Variants in NEK11 observed in about 807,000 individuals in gnomAD.
NEK11 encodes the protein NIMA related kinase 11.
A neutral mutation model predicts 80.7 loss-of-function variants in NEK11; 72 were observed. The observed-to-expected ratio is 0.89, with a 90% CI of 0.74 to 1.08. The LOEUF (loss-of-function observed/expected upper bound fraction) is 1.08, where lower values mean the gene tolerates loss of function less well. Among genes scored for constraint, NEK11 ranks in the 50% least tolerant of loss-of-function variants. NEK11 has a pLI of 0.00. For missense variants in NEK11, 764 were observed against 763.6 expected (o/e 1.00, Z -0.01); for synonymous variants, 251 against 260.7 (o/e 0.96, Z 0.36).
chr3:131,345,581 G>A (rs1295654538), intron 17 of NEK11, among the ~76,000 whole-genome samples: 2 of 152,122 alleles, frequency 1.3e-5, no homozygotes, highest in Non-Finnish European at 2.9e-5. Context: ...ATATACTGCT[G>A]GGGGACAGTA....
chr3:131,262,822 A>G (rs1166353845), intron 16 of NEK11, among the ~76,000 whole-genome samples: 1 of 150,438 alleles, frequency 6.6e-6, no homozygotes, highest in African/African-American at 2.4e-5. Flanking sequence ...TTGTCCCCCA[A>G]CCCCCGACAG....
chr3:131,241,318 A>G (rs2095515589), intron 15 of NEK11, among the ~76,000 whole-genome samples: 1 of 152,174 alleles, frequency 6.6e-6, no homozygotes, highest in African/African-American at 2.4e-5. Context: ...AAAGATAGTC[A>G]TTGCAGTATT....
intron 14 of NEK11, among the ~76,000 whole-genome samples, chr3:131,208,002 G>A (rs889226055): frequency 3.3e-5 from 5 of 152,148 alleles, no homozygotes; most frequent in African/African-American, 4.8e-5. Flanking sequence ...GGCTTTTATT[G>A]CCATTGCTTT....
chr3:131,239,346 G>A (rs541370384), intron 15 of NEK11, among the ~76,000 whole-genome samples: 187 of 152,092 alleles, frequency 1.2e-3, no homozygotes, highest in Non-Finnish European at 2.5e-3. Context: ...TCCTAGCTGG[G>A]GCTGTGATAG....
chr3:131,336,261 C>CA (rs745708562), intron 17 of NEK11, among the ~76,000 whole-genome samples: 23 of 152,066 alleles, frequency 1.5e-4, no homozygotes, highest in African/African-American at 5.3e-4. Flanking sequence ...GTACTGGTAC[C>CA]AAACAGAGAT....
At chr3:131,051,711 G>T (rs1306457891) in intron 3 of NEK11, among the ~76,000 whole-genome samples, 2 of 151,866 alleles carry the variant, frequency 1.3e-5, no homozygotes, top group Admixed American at 1.3e-4. Flanking sequence ...TTGATACAGG[G>T]TTTCAATGTT....
rs566114535 is a variant in NEK11 at position 131,189,268 on chromosome 3, A to G, written c.1399+18381A>G. Among the ~76,000 whole-genome samples the G allele has an allele frequency of 3.8e-4, 58 of 152,298 alleles. 1 individual carries two copies. The South Asian group carries it at 9.1e-3, about 24-fold the overall frequency. ...TAAGTCACCAAATTTGTGGGACTTC[A>G]TTACAGCAGGCCTAGGAAACTAAAA... On this transcript the variant is annotated intron_variant, in intron 14 of 17. Transcript: ENST00000383366.
At chr3:131,192,583 C>T (rs1341196094) in intron 14 of NEK11, among the ~76,000 whole-genome samples, 1 of 152,060 alleles carries the variant, frequency 6.6e-6, no homozygotes, top group Non-Finnish European at 1.5e-5. Flanking sequence ...AACATACATA[C>T]AATGGAATAT....
chr3:131,265,561 A>G (rs1202645438), intron 16 of NEK11, among the ~76,000 whole-genome samples: 1 of 152,214 alleles, frequency 6.6e-6, no homozygotes, highest in East Asian at 1.9e-4. Context: ...CACAGGAATG[A>G]AGCTGACTTG....
At chr3:131,104,642 C>T (rs909568817) in intron 4 of NEK11, among the ~76,000 whole-genome samples, 1 of 152,134 alleles carries the variant, frequency 6.6e-6, no homozygotes, top group Non-Finnish European at 1.5e-5. Flanking sequence ...ATCCTCTCCT[C>T]AGCACCGTGC....
chr3:131,211,009 T>C (rs2094595063), intron 14 of NEK11, among the ~76,000 whole-genome samples: 2 of 152,218 alleles, frequency 1.3e-5, no homozygotes, highest in South Asian at 4.1e-4. Context: ...AATTTGATCC[T>C]GTCATTATGA....
intron 3 of NEK11, among the ~76,000 whole-genome samples, chr3:131,050,234 A>G (rs2068139336): frequency 6.6e-6 from 1 of 152,226 alleles, no homozygotes; most frequent in African/African-American, 2.4e-5. Context: ...TCATTTTGCC[A>G]CTTATGAATA....
At chr3:131,244,291 A>G (rs2095563742) in intron 16 of NEK11, among the ~76,000 whole-genome samples, 1 of 152,132 alleles carries the variant, frequency 6.6e-6, no homozygotes, top group Admixed American at 6.6e-5. Flanking sequence ...ACATCTCCAT[A>G]TGGGAAACCT....
At chr3:131,249,456 A>T (rs1210826845) in intron 16 of NEK11, among the ~76,000 whole-genome samples, 1 of 152,142 alleles carries the variant, frequency 6.6e-6, no homozygotes, top group East Asian at 1.9e-4. Context: ...CTCCACTGGC[A>T]CAGCCACAAT....
chr3:131,348,933 C>G (rs943864010), intron 17 of NEK11, among the ~76,000 whole-genome samples: 6 of 150,910 alleles, frequency 4.0e-5, no homozygotes, highest in African/African-American at 1.5e-4. Flanking sequence ...AAACTATTCT[C>G]CCCCTCATTT....
chr3:131,260,258 C>T (rs1020435642), intron 16 of NEK11, among the ~76,000 whole-genome samples: 2 of 152,072 alleles, frequency 1.3e-5, no homozygotes, highest in African/African-American at 4.8e-5. Flanking sequence ...GATGTTAGAG[C>T]ACTCATTTGG....
intron 3 of NEK11, among the ~76,000 whole-genome samples, chr3:131,031,839 T>C (rs1412179814): frequency 1.3e-5 from 2 of 152,154 alleles, no homozygotes; most frequent in East Asian, 3.8e-4. Context: ...GAAGGTCTAG[T>C]CCACAATCTC....
chr3:131,092,732 T>C (rs1464512138), intron 4 of NEK11: 1 of 152,244 alleles, frequency 6.6e-6, no homozygotes, highest in African/African-American at 2.4e-5. Context: ...TATACATTTA[T>C]GCCAAGCCAA....
chr3:131,198,235 C>G (rs1263968690), intron 14 of NEK11, among the ~76,000 whole-genome samples: 1 of 152,110 alleles, frequency 6.6e-6, no homozygotes, highest in Non-Finnish European at 1.5e-5. Context: ...TTTTCAAAGT[C>G]CTTTTTCTAC....
Sources: gnomAD v4.1 joint callset for allele counts (sites outside exome capture counted in the v4.1 genomes callset) on GRCh38, gnomAD v4.1.1 for gene constraint, MANE v1.5 for transcripts, NCBI Gene and HGNC (gene_info 2026-07-23, HGNC 2026-07-21) for gene names.